The following WWOX variants were observed in gnomAD, a reference collection of about 807,000 sequenced individuals.
The protein encoded by WWOX is WW domain containing oxidoreductase, also known as WW domain-containing oxidoreductase.
WWOX carries 69 observed loss-of-function variants against 46.2 expected under a neutral mutation model. The ratio of observed to expected loss-of-function variants is 1.49; its 90% confidence interval spans 1.23 to 1.82. WWOX has a LOEUF of 1.82. Among genes scored for constraint, WWOX ranks in the 40% most tolerant of loss-of-function variants. The pLI, the probability that WWOX is intolerant of heterozygous loss-of-function variation, is 0.00. For missense variants in WWOX, 919 were observed against 542.6 expected (o/e 1.69, Z -6.89); for synonymous variants, 359 against 202.6 (o/e 1.77, Z -6.56).
At chr16:78,116,688 G>A (rs1248852442) in intron 4 of WWOX, among the ~76,000 whole-genome samples, 2 of 152,130 alleles carry the variant, frequency 1.3e-5, no homozygotes, top group Admixed American at 6.5e-5. Flanking sequence ...ATCATATTAA[G>A]TACTGTTACA....
At chr16:78,825,512 C>T in intron 8 of WWOX, 2 of 497,316 alleles carry the variant, frequency 4.0e-6, no homozygotes, top group South Asian at 1.5e-5. Context: ...AGAGATTTGG[C>T]TTCCCACAGG....
chr16:78,650,837 C>T (rs184293779), intron 8 of WWOX, among the ~76,000 whole-genome samples: 3 of 152,242 alleles, frequency 2.0e-5, no homozygotes, highest in South Asian at 2.1e-4. Flanking sequence ...CAGCCAGCCA[C>T]GCTGATGTAG....
chr16:78,370,263 C>G (rs964477507), intron 5 of WWOX, among the ~76,000 whole-genome samples: 3 of 151,922 alleles, frequency 2.0e-5, no homozygotes, highest in Non-Finnish European at 4.4e-5. Flanking sequence ...CTTCAGTTTG[C>G]TCCTTAGCAA....
intron 8 of WWOX, among the ~76,000 whole-genome samples, chr16:79,152,279 C>G (rs1332337616): frequency 6.6e-6 from 1 of 152,114 alleles, no homozygotes; most frequent in Non-Finnish European, 1.5e-5. Context: ...CTGGCTGGAC[C>G]ATGCGATGGG....
At chr16:78,172,794 TC>T (rs1285141786) in intron 5 of WWOX, among the ~76,000 whole-genome samples, 1 of 152,010 alleles carries the variant, frequency 6.6e-6, no homozygotes, top group Non-Finnish European at 1.5e-5. Context: ...TAATGTGGGG[TC>T]CCCTGAGTTC....
At chr16:78,780,132 C>G (rs1006286934) in intron 8 of WWOX, among the ~76,000 whole-genome samples, 15 of 152,156 alleles carry the variant, frequency 9.9e-5, no homozygotes, top group African/African-American at 3.4e-4. Context: ...GGGTCCTACA[C>G]AACTTGGGGT....
intron 8 of WWOX, among the ~76,000 whole-genome samples, chr16:79,083,388 C>G (rs1329054567): frequency 6.6e-6 from 1 of 152,104 alleles, no homozygotes; most frequent in Non-Finnish European, 1.5e-5. Flanking sequence ...TCCTGGGTCC[C>G]TGAGTGACCA....
intron 8 of WWOX, among the ~76,000 whole-genome samples, chr16:79,131,914 C>T (rs766111305): frequency 6.6e-6 from 1 of 152,092 alleles, no homozygotes; most frequent in Non-Finnish European, 1.5e-5. Context: ...AGAGAGTGAG[C>T]TTGTTCAGGG....
intron 8 of WWOX, among the ~76,000 whole-genome samples, chr16:78,718,203 T>G (rs1399346484): frequency 1.3e-5 from 2 of 148,560 alleles, no homozygotes; most frequent in Non-Finnish European, 3.0e-5. Context: ...GTTTGGGTAC[T>G]TAATTTGCAC....
chr16:79,122,349 T>C (rs910863577), intron 8 of WWOX, among the ~76,000 whole-genome samples: 14 of 152,198 alleles, frequency 9.2e-5, no homozygotes, highest in African/African-American at 3.1e-4. Flanking sequence ...CCCTGGCTAT[T>C]GGAACAATAG....
At chr16:78,789,139 C>A (rs1462872266) in intron 8 of WWOX, among the ~76,000 whole-genome samples, 1 of 152,012 alleles carries the variant, frequency 6.6e-6, no homozygotes, top group Non-Finnish European at 1.5e-5. Flanking sequence ...TGTGGTGTCA[C>A]CCCTCCTCTC....
chr16:78,190,262 G>C (rs991654551), intron 5 of WWOX, among the ~76,000 whole-genome samples: 2 of 152,180 alleles, frequency 1.3e-5, no homozygotes, highest in Non-Finnish European at 2.9e-5. Context: ...GTTTATATGG[G>C]CTGCTAGCGC....
At chr16:78,115,338 A>G (rs1267302096) in intron 4 of WWOX, among the ~76,000 whole-genome samples, 184 bp downstream of exon 4, 3 of 152,190 alleles carry the variant, frequency 2.0e-5, no homozygotes, top group Non-Finnish European at 4.4e-5. Context: ...AAGCCTGTGT[A>G]GGGGCTGACC....
chr16:78,495,469 T>TC (rs1408087285), intron 8 of WWOX, among the ~76,000 whole-genome samples: 5 of 150,912 alleles, frequency 3.3e-5, no homozygotes, highest in Admixed American at 6.6e-5. Context: ...GGGTTTTTTT[T>TC]CTCAAGGTGT....
intron 8 of WWOX, among the ~76,000 whole-genome samples, chr16:78,903,566 C>A (rs1008285496): frequency 7.9e-5 from 12 of 152,194 alleles, no homozygotes; most frequent in African/African-American, 2.7e-4. Context: ...GTAGCCCCTC[C>A]TCCTTTTGTT....
intron 8 of WWOX, among the ~76,000 whole-genome samples, chr16:78,777,949 G>A (rs1342107715): frequency 2.0e-5 from 3 of 151,350 alleles, no homozygotes; most frequent in Middle Eastern, 3.4e-3. Context: ...GAATGCTAAG[G>A]TAGGAGAATC....
intron 8 of WWOX, among the ~76,000 whole-genome samples, chr16:78,609,941 G>C (rs1010943226): frequency 6.6e-6 from 1 of 152,076 alleles, no homozygotes; most frequent in South Asian, 2.1e-4. Flanking sequence ...GGGTAGCATA[G>C]AATAAACAGG....
At chr16:78,370,946 G>A (rs1238007177) in intron 5 of WWOX, among the ~76,000 whole-genome samples, 1 of 146,488 alleles carries the variant, frequency 6.8e-6, no homozygotes, top group Non-Finnish European at 1.5e-5. Context: ...AGAACGTTTA[G>A]AGGTCAGGTT....
chr16:78,908,396 C>G (rs1181269509), intron 8 of WWOX, among the ~76,000 whole-genome samples: 1 of 151,946 alleles, frequency 6.6e-6, no homozygotes, highest in Non-Finnish European at 1.5e-5. Context: ...TAATATTAGC[C>G]AGGCGTAGTG....
Sources: allele counts gnomAD v4.1 joint callset (sites outside exome capture counted in the v4.1 genomes callset), GRCh38; gene constraint gnomAD v4.1.1; transcripts MANE v1.5; gene names NCBI Gene and HGNC (gene_info 2026-07-23, HGNC 2026-07-21).